Variants in PAX5 observed in about 807,000 individuals in gnomAD.
The protein encoded by PAX5 is paired box 5.
PAX5 carries 9 observed loss-of-function variants against 43.7 expected under a neutral mutation model. The observed-to-expected ratio is 0.21, with a 90% confidence interval of 0.12 to 0.36. The LOEUF (loss-of-function observed/expected upper bound fraction) is 0.36. PAX5 is among the 10% of genes least tolerant of loss of function. The pLI, the probability that PAX5 is intolerant of heterozygous loss-of-function variation, is 1.00. For missense variants in PAX5, 383 were observed against 532.7 expected (o/e 0.72, Z 2.77); for synonymous variants, 228 against 214.3 (o/e 1.06, Z -0.56).
chr9:36,978,060 T>C (rs1040722142), intron 5 of PAX5, among the ~76,000 whole-genome samples: 1 of 152,212 alleles, frequency 6.6e-6, no homozygotes, highest in African/African-American at 2.4e-5. Flanking sequence ...ATACAAACAG[T>C]GCAAATACAT....
rs41277109 is a variant in PAX5 at position 36,835,189 on chromosome 9, G to A, written c.*5371C>T. 1.1e-4 allele frequency: 26 copies of A among 233,130 alleles called. No individual in the cohort carries two copies. The highest frequency in any genetic ancestry group is 6.7e-4 in the Admixed American group (12 of 17,780). The allele number at this position is 233,130 out of a possible 1,614,324, so 14.4% of individuals were successfully genotyped here. ...TCTGGGCTTTCTGAATGGTGGCTAC[G>A]TTTACCCATCTTGGAGATGAGCTAA... is the stretch of plus-strand genomic sequence containing the variant. On this transcript the variant is annotated 3_prime_UTR_variant, in exon 10 of 10. Coordinates refer to ENST00000358127, the MANE Select transcript of PAX5 (RefSeq NM_016734.3).
chr9:37,024,764 C>T (rs2132524201), intron 1 of PAX5, among the ~76,000 whole-genome samples: 1 of 152,338 alleles, frequency 6.6e-6, no homozygotes, highest in Non-Finnish European at 1.5e-5. Context: ...CTGAAAGAAG[C>T]CGCCTTCTCC....
intron 6 of PAX5, among the ~76,000 whole-genome samples, chr9:36,935,529 A>G (rs1831478991): frequency 6.6e-6 from 1 of 152,134 alleles, no homozygotes; most frequent in Non-Finnish European, 1.5e-5. Context: ...CAGGTTCCCA[A>G]GTGGTGGTGG....
chr9:36,983,454 T>C (rs1287419383), intron 5 of PAX5, among the ~76,000 whole-genome samples: 1 of 152,274 alleles, frequency 6.6e-6, no homozygotes, highest in Non-Finnish European at 1.5e-5. Context: ...CATTTTATTA[T>C]GATTTTACTT....
In PAX5 at chr9:36,990,401, G is replaced by A. The variant is rs1057074571; in HGVS notation, c.604+12247C>T. Among the ~76,000 whole-genome samples, 8 of 152,194 alleles carry A rather than the reference G, an allele frequency of 5.3e-5. No homozygotes were observed. In the East Asian group the frequency reaches 7.7e-4, roughly 15 times the overall value. On this transcript the variant is annotated intron_variant, in intron 5 of 9. Transcript: ENST00000358127. ...AAGAGGTTTGGTATGACTGGAGTGC[G>A]CATGAAAAGAGGAGAGTGGAGAGGG...
intron 7 of PAX5, among the ~76,000 whole-genome samples, chr9:36,919,839 CAAAAAAAAAAAAAAAAA>C (rs61173333): frequency 1.4e-4 from 9 of 66,210 alleles, no homozygotes; most frequent in African/African-American, 2.0e-4. Flanking sequence ...GACTCTGTCT[CAAAAAAAAAAAAAAAAA>C]AAAAAAAAAA....
intron 8 of PAX5, among the ~76,000 whole-genome samples, chr9:36,866,643 A>G (rs2131680489): frequency 6.6e-6 from 1 of 152,190 alleles, no homozygotes; most frequent in Non-Finnish European, 1.5e-5. Context: ...AGGAGACAAA[A>G]TAGCTTCTTT....
intron 2 of PAX5, among the ~76,000 whole-genome samples, chr9:37,016,811 T>C (rs1454731151): frequency 2.6e-5 from 4 of 152,228 alleles, no homozygotes; most frequent in Non-Finnish European, 4.4e-5. Context: ...TGGTCACATT[T>C]ACAGAGATGC....
intron 8 of PAX5, among the ~76,000 whole-genome samples, chr9:36,881,294 T>A (rs1013608089): frequency 3.3e-5 from 5 of 152,216 alleles, no homozygotes; most frequent in Admixed American, 1.3e-4. Flanking sequence ...CAACATCCAG[T>A]GGAGGCCCGA....
At chr9:36,864,418 G>A (rs1824595515) in intron 8 of PAX5, 1 of 152,916 alleles carries the variant, frequency 6.5e-6, no homozygotes, top group African/African-American at 2.4e-5. Flanking sequence ...AGTCAGGACT[G>A]GAAGACAACG....
chr9:36,851,068 C>T (rs1823113121), intron 8 of PAX5, among the ~76,000 whole-genome samples: 1 of 152,210 alleles, frequency 6.6e-6, no homozygotes, highest in Admixed American at 6.5e-5. Context: ...GGTTTTGTGG[C>T]CTTGGGCAAG....
intron 4 of PAX5, 54 bp from the exon 5 acceptor site, chr9:37,002,830 C>T (rs1270175822): frequency 2.6e-6 from 4 of 1,540,418 alleles, no homozygotes; most frequent in Admixed American, 1.9e-5. Context: ...GGCGGCGGAC[C>T]GGCTGTCACC....
At chr9:36,902,885 G>A (rs1322631767) in intron 7 of PAX5, among the ~76,000 whole-genome samples, 2 of 152,198 alleles carry the variant, frequency 1.3e-5, no homozygotes, top group Non-Finnish European at 2.9e-5. Context: ...GACCCCATAA[G>A]GCTGCCAATC....
At chr9:36,932,878 G>A (rs1303745224) in intron 6 of PAX5, among the ~76,000 whole-genome samples, 5 of 151,954 alleles carry the variant, frequency 3.3e-5, no homozygotes, top group Non-Finnish European at 4.4e-5. Flanking sequence ...AATTATGGCT[G>A]GGCACGGTAG....
At position 37,015,223 on chromosome 9, in the gene PAX5, C is replaced by T. The variant is rs369322794; in HGVS notation, c.213-29G>A. Reference sequence around the variant, plus strand: ...GGACCCAAAGAGAAAGAAGCTTAGCCATGAGGAACCAGTAAAGTGGATATT... The same window carrying T: ...GGACCCAAAGAGAAAGAAGCTTAGCTATGAGGAACCAGTAAAGTGGATATT... On this transcript the variant is annotated intron_variant, in intron 2 of 9. Transcript: ENST00000358127. This position sits in a 1 kb window ranked among gnomAD's most constrained non-coding sequence, Gnocchi z 4.4. 6.3e-7 allele frequency: 1 copy of T among 1,594,206 alleles called. No individual in the cohort carries two copies.
chr9:36,937,778 CT>C (rs1831688164), intron 6 of PAX5, among the ~76,000 whole-genome samples: 1 of 152,168 alleles, frequency 6.6e-6, no homozygotes, highest in Admixed American at 6.5e-5. Flanking sequence ...TAACTTTATC[CT>C]TTATTCTCCT....
intron 7 of PAX5, among the ~76,000 whole-genome samples, chr9:36,885,573 T>G (rs1826841514): frequency 6.6e-6 from 1 of 152,190 alleles, no homozygotes; most frequent in Admixed American, 6.5e-5. Context: ...AGCATTTAAG[T>G]GACTTGCTCA....
At chr9:36,904,849 A>G (rs879749126) in intron 7 of PAX5, among the ~76,000 whole-genome samples, 5 of 152,344 alleles carry the variant, frequency 3.3e-5, no homozygotes, top group Admixed American at 2.0e-4. Flanking sequence ...CATTCATTCA[A>G]TAAACACTTC....
chr9:36,909,071 C>T (rs927881455), intron 7 of PAX5, among the ~76,000 whole-genome samples: 6 of 152,186 alleles, frequency 3.9e-5, no homozygotes, highest in African/African-American at 1.4e-4. Flanking sequence ...ACCTCTGGCA[C>T]CTCTGAACCT....
Sources: gnomAD v4.1 joint callset for allele counts (sites outside exome capture counted in the v4.1 genomes callset) on GRCh38, gnomAD v4.1.1 for gene constraint, Gnocchi (gnomAD v3.1) non-coding constraint, MANE v1.5 for transcripts, NCBI Gene and HGNC (gene_info 2026-07-23, HGNC 2026-07-21) for gene names.